DKK2: variants seen among roughly 807,000 people sequenced by gnomAD.
The protein encoded by DKK2 is dickkopf-related protein 2.
In DKK2, 11 loss-of-function variants were observed where a neutral mutation model predicts 28.1. The ratio of observed to expected loss-of-function variants is 0.39; its 90% CI spans 0.25 to 0.65. The LOEUF (loss-of-function observed/expected upper bound fraction) is 0.65. Ranked by LOEUF, DKK2 falls within the 30% of genes least tolerant of loss-of-function variation. DKK2 has a pLI of 0.47. For missense variants in DKK2, 326 were observed against 335.5 expected, an observed-to-expected ratio of 0.97 and a Z score of 0.22; for synonymous variants, 135 against 126.5, an observed-to-expected ratio of 1.07 and a Z score of -0.45.
intron 1 of DKK2, among the ~76,000 whole-genome samples, chr4:107,010,812 A>G (rs1041209033): frequency 6.6e-6 from 1 of 151,386 alleles, no homozygotes; most frequent in East Asian, 1.9e-4. Flanking sequence ...TATTTGTTGT[A>G]TCTATCAATA....
At chr4:107,024,620 G>C (rs1236217830) in intron 1 of DKK2, among the ~76,000 whole-genome samples, 1 of 152,074 alleles carries the variant, frequency 6.6e-6, no homozygotes, top group South Asian at 2.1e-4. Flanking sequence ...AATTCAGGGT[G>C]GCACGGTCTT....
At chr4:106,926,056 C>A in intron 1 of DKK2, 107 bp from the exon 2 acceptor site, 2 of 1,239,444 alleles carry the variant, frequency 1.6e-6, no homozygotes, top group Non-Finnish European at 2.2e-6. Flanking sequence ...ATATATCTCA[C>A]CCGGAAGGAA....
intron 1 of DKK2, among the ~76,000 whole-genome samples, chr4:107,003,657 C>G (rs912708267): frequency 3.3e-5 from 5 of 152,224 alleles, no homozygotes; most frequent in African/African-American, 1.2e-4. Context: ...AGCATATACA[C>G]CAGATGTCTG....
chr4:106,991,623 C>G (rs987342282), intron 1 of DKK2, among the ~76,000 whole-genome samples: 1 of 152,172 alleles, frequency 6.6e-6, no homozygotes, highest in Admixed American at 6.5e-5. Flanking sequence ...CAACTTGTTG[C>G]TACCTCCAGA....
chr4:106,969,193 C>CT (rs1006862566), intron 1 of DKK2, among the ~76,000 whole-genome samples: 1 of 151,622 alleles, frequency 6.6e-6, no homozygotes, highest in Non-Finnish European at 1.5e-5. Context: ...CTTTGCTCTG[C>CT]TTTTGCTCAA....
intron 1 of DKK2, among the ~76,000 whole-genome samples, chr4:106,979,442 CTTT>C (rs11354225): frequency 3.6e-5 from 5 of 138,458 alleles, no homozygotes; most frequent in South Asian, 2.4e-4. Context: ...TAGTATCCTT[CTTT>C]TTTTTTTTTT....
At chr4:106,938,981 T>C (rs967017096) in intron 1 of DKK2, among the ~76,000 whole-genome samples, 3 of 151,904 alleles carry the variant, frequency 2.0e-5, no homozygotes, top group African/African-American at 7.3e-5. Context: ...AAGAGCTATC[T>C]ATGACAAACC....
chr4:106,953,154 C>A (rs1477608593), intron 1 of DKK2, among the ~76,000 whole-genome samples: 1 of 152,056 alleles, frequency 6.6e-6, no homozygotes, highest in East Asian at 1.9e-4. Flanking sequence ...ATTTGTGTTT[C>A]AACTCCTTGT....
chr4:106,936,131 G>C (rs1025702322), intron 1 of DKK2, among the ~76,000 whole-genome samples: 3 of 152,176 alleles, frequency 2.0e-5, no homozygotes, highest in Non-Finnish European at 4.4e-5. Flanking sequence ...ACTTTGACGA[G>C]CTGAGAGAAG....
chr4:106,960,058 T>G (rs1189937562), intron 1 of DKK2, among the ~76,000 whole-genome samples: 11 of 151,238 alleles, frequency 7.3e-5, no homozygotes, highest in Admixed American at 6.6e-4. Context: ...GATTCACAAT[T>G]GCAAAGATAA....
At chr4:107,000,012 G>A (rs955840232) in intron 1 of DKK2, among the ~76,000 whole-genome samples, 1 of 152,088 alleles carries the variant, frequency 6.6e-6, no homozygotes, top group East Asian at 1.9e-4. Context: ...TGTGATAAGA[G>A]CAAATTTAAT....
intron 1 of DKK2, among the ~76,000 whole-genome samples, chr4:107,018,329 C>T (rs1723642166): frequency 6.6e-6 from 1 of 152,064 alleles, no homozygotes; most frequent in Non-Finnish European, 1.5e-5. Flanking sequence ...AGCTGCAGAA[C>T]ATCATCTGCT....
intron 1 of DKK2, among the ~76,000 whole-genome samples, chr4:106,935,256 G>T (rs200389224): frequency 6.6e-6 from 1 of 150,518 alleles, no homozygotes; most frequent in East Asian, 1.9e-4. Context: ...CAGTGGGTGC[G>T]CGCACCGTGT....
chr4:106,922,555 G>A lies in DKK2; in HGVS notation c.*1399C>T, dbSNP rs968253468. ...CTTTGGCAATAAAGCAGATGCTGCA[G>A]AGGTTTGGGAAGAAAATTGGATGAT... is the stretch of plus-strand genomic sequence containing the variant. On this transcript the variant is annotated 3_prime_UTR_variant, in exon 4 of 4. Transcript: ENST00000285311. 6.6e-6 allele frequency: 1 copy of A among 152,196 alleles called. No homozygotes were observed. The highest frequency in any genetic ancestry group is 2.4e-5 in the African/African-American group (1 of 41,450). 9.4% of individuals were successfully genotyped at this position (152,196 alleles called of 1,614,324 possible). A position where few individuals can be genotyped will look rare whatever the true frequency, so the allele number is the denominator to read the frequency against.
intron 1 of DKK2, among the ~76,000 whole-genome samples, chr4:106,964,265 A>G (rs72890628): frequency 0.011 from 1,721 of 152,310 alleles, 30 homozygotes; most frequent in African/African-American, 0.04. Flanking sequence ...AGAAAGACAA[A>G]TATTACATCT....
chr4:106,967,540 T>C (rs991569254), intron 1 of DKK2, among the ~76,000 whole-genome samples: 1 of 152,128 alleles, frequency 6.6e-6, no homozygotes. Context: ...TGCTCATCCA[T>C]GTTCCAGAGA....
intron 1 of DKK2, among the ~76,000 whole-genome samples, chr4:106,966,389 C>T (rs1722781409): frequency 6.6e-6 from 1 of 152,136 alleles, no homozygotes; most frequent in Non-Finnish European, 1.5e-5. Flanking sequence ...TTCTTATATA[C>T]ATTTTACACA....
chr4:106,924,334 G>A (rs1002329552), intron 3 of DKK2, 130 bp from the exon 4 acceptor site: 1 of 1,366,448 alleles, frequency 7.3e-7, no homozygotes, highest in Non-Finnish European at 9.8e-7. Context: ...ATAATGAAAA[G>A]TCTTGGTTGA....
At chr4:107,020,088 T>G (rs1468652579) in intron 1 of DKK2, among the ~76,000 whole-genome samples, 1 of 152,092 alleles carries the variant, frequency 6.6e-6, no homozygotes, top group Non-Finnish European at 1.5e-5. Context: ...TTTTTAGGTC[T>G]TAATTTTGTA....
Sources: allele counts gnomAD v4.1 joint callset (sites outside exome capture counted in the v4.1 genomes callset), GRCh38; gene constraint gnomAD v4.1.1; transcripts MANE v1.5; gene names NCBI Gene and HGNC (gene_info 2026-07-23, HGNC 2026-07-21).